Variants in ALPL observed in about 807,000 individuals in gnomAD.
ALPL encodes the protein alkaline phosphatase, biomineralization associated, also known as alkaline phosphatase, tissue-nonspecific isozyme.
ALPL carries 42 observed loss-of-function variants against 51.3 expected under a neutral mutation model. The observed-to-expected ratio is 0.82, with a 90% CI of 0.64 to 1.06. ALPL has a LOEUF of 1.06. Ranked by LOEUF, ALPL falls within the 50% of genes least tolerant of loss-of-function variation. The pLI, the probability that ALPL is intolerant of heterozygous loss-of-function variation, is 0.00. For synonymous variants in ALPL, 279 were observed against 296.4 expected, an observed-to-expected ratio of 0.94 and a Z score of 0.60; for missense variants, 589 against 709.4, an observed-to-expected ratio of 0.83 and a Z score of 1.93.
At chr1:21,547,709 A>G (rs1391346272) in intron 1 of ALPL, among the ~76,000 whole-genome samples, 1 of 152,254 alleles carries the variant, frequency 6.6e-6, no homozygotes, top group South Asian at 2.1e-4. Context: ...TAAATGGCGC[A>G]TAGTCGAAGA....
chr1:21,540,384 A>C (rs879790895), intron 1 of ALPL, among the ~76,000 whole-genome samples: 5 of 152,108 alleles, frequency 3.3e-5, no homozygotes, highest in African/African-American at 7.2e-5. Flanking sequence ...TTGGGGCATC[A>C]TGACCGTCCT....
intron 1 of ALPL, among the ~76,000 whole-genome samples, chr1:21,553,075 T>TAAAAA (rs58060846): frequency 0.93 from 141,564 of 151,562 alleles, 66,253 homozygotes; most frequent in East Asian, 1. Flanking sequence ...TTCAAAAAAA[T>TAAAAA]AAAGAGGAAA....
rs912257857 is a variant in ALPL, at chr1:21,560,633, G to A, written c.69G>A (p.Glu23=). 1.4e-5 allele frequency: 22 copies of A among 1,613,990 alleles called. No individual in the cohort carries two copies. Among genetic ancestry groups the A allele is most frequent in the Non-Finnish European group, 1.7e-5 (20 of 1,180,024 alleles). The change falls in exon 3 of 12, where the codon GAG becomes GAA. Residue 23 remains glutamate, a synonymous_variant. Transcript: ENST00000374840. Reference sequence around the variant, plus strand: ...GCCTCTCTCTGTGTTTAGAGAAAGAGAAAGACCCCAAGTACTGGCGAGACC... The same window carrying A: ...GCCTCTCTCTGTGTTTAGAGAAAGAAAAAGACCCCAAGTACTGGCGAGACC... ...CLTNSLVPEK[E]KDPKYWRDQA...
intron 1 of ALPL, among the ~76,000 whole-genome samples, chr1:21,543,639 C>T (rs923568432): frequency 2.0e-5 from 3 of 152,172 alleles, no homozygotes; most frequent in African/African-American, 7.2e-5. Flanking sequence ...CCTTCATGCA[C>T]CGCCTAGTCA....
chr1:21,554,969 G>T (rs778543094), intron 2 of ALPL, among the ~76,000 whole-genome samples: 1 of 138,368 alleles, frequency 7.2e-6, no homozygotes, highest in Admixed American at 7.8e-5. Flanking sequence ...CTTTTCTCTC[G>T]CATCCGAGTG....
chr1:21,554,038 TGCATC>T lies in ALPL; in HGVS notation c.-43_-39del. The T allele has an allele frequency of 6.5e-7, 1 of 1,532,002 alleles. No homozygotes were observed. Among genetic ancestry groups the T allele is most frequent in the Non-Finnish European group, 9.0e-7 (1 of 1,107,600 alleles). The allele number at this position is 1,532,002 out of a possible 1,614,324, so 94.9% of individuals were successfully genotyped here. Reference sequence around the variant, plus strand: ...CCCACCCCCTCCCACCCACGTCGATTGCATCTCTGGGCTCCAGGGATAAAGCAGGT... The same window carrying T: ...CCCACCCCCTCCCACCCACGTCGATTTCTGGGCTCCAGGGATAAAGCAGGT... On this transcript the variant is annotated 5_prime_UTR_variant, in exon 2 of 12. Transcript: ENST00000374840.
chr1:21,547,453 GCCT>G (rs1644267601), intron 1 of ALPL, among the ~76,000 whole-genome samples: 1 of 152,154 alleles, frequency 6.6e-6, no homozygotes, highest in Admixed American at 6.5e-5. Flanking sequence ...GTGGCCCTCA[GCCT>G]CCTCCTCCTG....
Position 21,568,242 on chromosome 1 carries a change from T to C in ALPL, c.787T>C (p.Tyr263His), listed in dbSNP as rs3200254. ...CACCTGGAAGAGCTTCAAACCGAGA[T>C]ACAAGGTAGCCTGTGCTGGGGCCAT... ...VDTWKSFKPR[Y>H]KHSHFIWNRT... Residue 263 changes from tyrosine to histidine, a missense_variant, in exon 7 of 12, where the codon TAC becomes CAC. Physicochemically the swap from Tyr to His is moderately conservative, Grantham distance 83. Transcript: ENST00000374840. The C allele has an allele frequency of 0.14, 233,079 of 1,613,726 alleles. 21,866 individuals carry two copies. Among genetic ancestry groups the C allele is most frequent in the East Asian group, 0.5 (22,602 of 44,830 alleles).
chr1:21,567,671 G>A (rs1296587591), intron 6 of ALPL, among the ~76,000 whole-genome samples: 3 of 152,176 alleles, frequency 2.0e-5, no homozygotes, highest in South Asian at 2.1e-4. Flanking sequence ...TGTGGCCTTC[G>A]GGGGAAAAAA....
chr1:21,560,209 A>T (rs1480718338), intron 2 of ALPL, among the ~76,000 whole-genome samples: 2 of 152,200 alleles, frequency 1.3e-5, no homozygotes, highest in Non-Finnish European at 2.9e-5. Context: ...TGCTGGAAGG[A>T]GTTTGTTGAA....
chr1:21,519,540 T>A (rs536317980), intron 1 of ALPL, among the ~76,000 whole-genome samples: 1 of 152,374 alleles, frequency 6.6e-6, no homozygotes, highest in South Asian at 2.1e-4. Context: ...CTCACGCATG[T>A]AATCCCAGCA....
At position 21,528,328 on chromosome 1, in the gene ALPL, G is replaced by A. The variant is rs1643978348; in HGVS notation, c.-105+18811G>A. 2.1e-5 allele frequency among the ~76,000 whole-genome samples: 3 copies of A among 143,678 alleles called. No individual in the cohort carries two copies. The South Asian group carries it at 6.7e-4, about 32-fold the overall frequency. 94.3% of individuals were successfully genotyped at this position (143,678 alleles called of 152,430 possible). On this transcript the variant is annotated intron_variant, in intron 1 of 11. Coordinates refer to ENST00000374840, the MANE Select transcript of ALPL (RefSeq NM_000478.6). ...GACCTATTCAGGCATGAGATTACAT[G>A]CCTGACCTATTCAGTTTTTTTTTTT...
chr1:21,555,502 C>T (rs929244704), intron 2 of ALPL, among the ~76,000 whole-genome samples: 5 of 152,152 alleles, frequency 3.3e-5, no homozygotes, highest in African/African-American at 9.7e-5. Flanking sequence ...CTGCAACCTT[C>T]GCCACCCAGG....
In ALPL at chr1:21,564,609, C is replaced by A. The variant is rs1160748032; in HGVS notation, c.648+393C>A. Among the ~76,000 whole-genome samples, 1 of 152,184 alleles carries A rather than the reference C, an allele frequency of 6.6e-6. No individual in the cohort carries two copies. The highest frequency in any genetic ancestry group is 1.9e-4 in the East Asian group (1 of 5,192). Reference sequence around the variant, plus strand: ...TCTGTACACTCAACCACCAGCATGCCCGGCAAAGAGCTGGTGTGTACAGTG... The same window carrying A: ...TCTGTACACTCAACCACCAGCATGCACGGCAAAGAGCTGGTGTGTACAGTG... On this transcript the variant is annotated intron_variant, in intron 6 of 11. Transcript: ENST00000374840. The surrounding 1 kb of genome is among the most constrained non-coding windows in gnomAD (Gnocchi z 5.8).
chr1:21,546,013 A>G (rs1203359296), intron 1 of ALPL, among the ~76,000 whole-genome samples: 1 of 151,926 alleles, frequency 6.6e-6, no homozygotes, highest in Non-Finnish European at 1.5e-5. Context: ...ACGGGGTTTC[A>G]TCATGTTGGC....
intron 1 of ALPL, among the ~76,000 whole-genome samples, chr1:21,512,601 G>A (rs1162364286): frequency 1.3e-5 from 2 of 152,114 alleles, no homozygotes; most frequent in Non-Finnish European, 2.9e-5. Flanking sequence ...CGCCAGCTGT[G>A]TGACCTGAGG....
chr1:21,548,258 C>G (rs550368877), intron 1 of ALPL, among the ~76,000 whole-genome samples: 2 of 152,340 alleles, frequency 1.3e-5, no homozygotes, highest in Admixed American at 1.3e-4. Context: ...CCAGGAGCCT[C>G]TGCGAGGGGG....
intron 8 of ALPL, among the ~76,000 whole-genome samples, chr1:21,572,508 T>A (rs1055428439): frequency 1.1e-4 from 17 of 152,156 alleles, no homozygotes; most frequent in Admixed American, 1.0e-3. Context: ...TTCTATGGCA[T>A]ACAAAGGCTA....
chr1:21,543,835 C>T (rs977607951), intron 1 of ALPL, among the ~76,000 whole-genome samples: 9 of 152,216 alleles, frequency 5.9e-5, no homozygotes, highest in African/African-American at 2.2e-4. Flanking sequence ...CTGCCAGGTA[C>T]AAGCTGGGGC....
Sources: allele counts gnomAD v4.1 joint callset (sites outside exome capture counted in the v4.1 genomes callset), GRCh38; gene constraint gnomAD v4.1.1; non-coding constraint Gnocchi (gnomAD v3.1); transcripts MANE v1.5; gene names NCBI Gene and HGNC (gene_info 2026-07-23, HGNC 2026-07-21).